NOX4: variants seen among roughly 807,000 people sequenced by gnomAD.
NOX4 encodes the protein kidney oxidase-1.
In NOX4, 69 loss-of-function variants were observed where a neutral mutation model predicts 87.6. The observed-to-expected ratio is 0.79, with a 90% CI of 0.65 to 0.96. NOX4 has a LOEUF of 0.96. Among genes scored for constraint, NOX4 ranks in the 40% least tolerant of loss-of-function variants. The pLI, the probability that NOX4 is intolerant of heterozygous loss-of-function variation, is 0.00. For missense variants in NOX4, 680 were observed against 681.5 expected, an observed-to-expected ratio of 1.00 and a Z score of 0.02; for synonymous variants, 275 against 238.2, an observed-to-expected ratio of 1.15 and a Z score of -1.42.
At chr11:89,396,725 C>A (rs1383267495) in intron 11 of NOX4, among the ~76,000 whole-genome samples, 2 of 151,958 alleles carry the variant, frequency 1.3e-5, no homozygotes, top group Non-Finnish European at 2.9e-5. Context: ...ACAAAGAAGG[C>A]CATTACATAA....
chr11:89,431,603 C>T (rs531364683), intron 7 of NOX4, among the ~76,000 whole-genome samples: 222 of 152,232 alleles, frequency 1.5e-3, no homozygotes, highest in African/African-American at 5.0e-3. Flanking sequence ...TGAAAAAATG[C>T]TCATCATCAC....
the NOX4 span, among the ~76,000 whole-genome samples, chr11:89,515,735 C>T: frequency 6.6e-6 from 1 of 151,858 alleles, no homozygotes; most frequent in Non-Finnish European, 1.5e-5. Context: ...TTATGTATGG[C>T]ATGGGACGAT....
At chr11:89,472,941 G>T (rs956115675) in intron 2 of NOX4, among the ~76,000 whole-genome samples, 1 of 152,098 alleles carries the variant, frequency 6.6e-6, no homozygotes, top group African/African-American at 2.4e-5. Context: ...TAGAATTGAA[G>T]AATTTGAACA....
At chr11:89,491,421 T>G, upstream of NOX4, 1 of 580,860 alleles carries the variant, frequency 1.7e-6, no homozygotes, top group Non-Finnish European at 2.9e-6. Context: ...CGGGGTCTGC[T>G]ACCCAGAGCC....
intron 2 of NOX4, among the ~76,000 whole-genome samples, chr11:89,478,621 T>C (rs951215191): frequency 1.3e-5 from 2 of 152,178 alleles, no homozygotes; most frequent in African/African-American, 4.8e-5. Context: ...TTAACTTTCA[T>C]ATACCTAAAA....
At chr11:89,423,183 G>T (rs1408888265) in intron 7 of NOX4, among the ~76,000 whole-genome samples, 1 of 152,028 alleles carries the variant, frequency 6.6e-6, no homozygotes, top group Admixed American at 6.6e-5. Context: ...AATACACGCT[G>T]CCAATTGCCC....
the NOX4 span, among the ~76,000 whole-genome samples, chr11:89,536,355 C>G: frequency 6.6e-6 from 1 of 151,864 alleles, no homozygotes; most frequent in Admixed American, 6.6e-5. Flanking sequence ...ACCATGTTAG[C>G]CAGGATGGTC....
At chr11:89,434,090 A>G (rs1268195389) in intron 6 of NOX4, among the ~76,000 whole-genome samples, 1 of 152,066 alleles carries the variant, frequency 6.6e-6, no homozygotes, top group Admixed American at 6.6e-5. Context: ...TTCCTTGTCA[A>G]GAAAACTACT....
chr11:89,501,545 G>A (rs1344136918), upstream of NOX4, among the ~76,000 whole-genome samples: 1 of 152,036 alleles, frequency 6.6e-6, no homozygotes, highest in Non-Finnish European at 1.5e-5. Context: ...AAGCAAATAA[G>A]CAAGAATACT....
chr11:89,431,014 C>A (rs1017951377), intron 7 of NOX4, among the ~76,000 whole-genome samples: 10 of 152,086 alleles, frequency 6.6e-5, no homozygotes, highest in Admixed American at 6.6e-5. Flanking sequence ...GAGATATAGA[C>A]CAATGGAACA....
chr11:89,564,650 C>A, the NOX4 span, among the ~76,000 whole-genome samples: 2 of 152,228 alleles, frequency 1.3e-5, no homozygotes, highest in Non-Finnish European at 2.9e-5. Context: ...CAGAACTTGA[C>A]ACACTTGCCA....
chr11:89,567,834 C>A, the NOX4 span, among the ~76,000 whole-genome samples: 1 of 152,248 alleles, frequency 6.6e-6, no homozygotes, highest in South Asian at 2.1e-4. Flanking sequence ...CCAGCCCCTG[C>A]TGGTGCCTAT....
chr11:89,391,000 C>T (rs959724330), intron 11 of NOX4, among the ~76,000 whole-genome samples: 5 of 152,124 alleles, frequency 3.3e-5, no homozygotes, highest in African/African-American at 1.2e-4. Context: ...GAAGACTGTG[C>T]TATAAAGAGA....
At chr11:89,472,123 CAGAAA>C (rs1945971039) in intron 2 of NOX4, among the ~76,000 whole-genome samples, 3 of 152,012 alleles carry the variant, frequency 2.0e-5, no homozygotes, top group Non-Finnish European at 4.4e-5. Flanking sequence ...CATGAGTAAC[CAGAAA>C]ATGATGAACA....
At chr11:89,457,073 G>A (rs1267666918) in intron 2 of NOX4, among the ~76,000 whole-genome samples, 3 of 152,158 alleles carry the variant, frequency 2.0e-5, no homozygotes, top group South Asian at 4.1e-4. Flanking sequence ...GACTGTGTCT[G>A]TTTGTTGAAG....
At chr11:89,389,504 T>C (rs116334462) in intron 11 of NOX4, among the ~76,000 whole-genome samples, 3,596 of 152,250 alleles carry the variant, frequency 0.024, 134 homozygotes, top group African/African-American at 0.083. Flanking sequence ...TGAAAATAAG[T>C]ATTAGACTTT....
At chr11:89,388,769 T>C (rs1427613284) in intron 11 of NOX4, among the ~76,000 whole-genome samples, 2 of 152,172 alleles carry the variant, frequency 1.3e-5, no homozygotes, top group African/African-American at 2.4e-5. Context: ...AGTTACTACA[T>C]ACTGAAGAAC....
chr11:89,554,942 A>T, the NOX4 span, among the ~76,000 whole-genome samples: 1 of 152,252 alleles, frequency 6.6e-6, no homozygotes, highest in South Asian at 2.1e-4. Flanking sequence ...TCCAAATTAA[A>T]ATAATTTGAT....
intron 2 of NOX4, among the ~76,000 whole-genome samples, chr11:89,467,344 C>T (rs1945742082): frequency 1.1e-5 from 1 of 88,946 alleles, no homozygotes; most frequent in African/African-American, 5.8e-5. Context: ...GAGCCAAACT[C>T]GTCACAAAAA....
Sources: allele counts gnomAD v4.1 joint callset (sites outside exome capture counted in the v4.1 genomes callset), GRCh38; gene constraint gnomAD v4.1.1; transcripts MANE v1.5; gene names NCBI Gene and HGNC (gene_info 2026-07-23, HGNC 2026-07-21).